Variants in PLEKHA8 observed in about 807,000 individuals in gnomAD.
PLEKHA8 encodes the protein pleckstrin homology domain-containing family A member 8.
PLEKHA8 carries 36 observed loss-of-function variants against 68.2 expected under a neutral mutation model. The ratio of observed to expected loss-of-function variants is 0.53; its 90% CI spans 0.40 to 0.70. PLEKHA8 has a LOEUF of 0.70. Ranked by LOEUF, PLEKHA8 falls within the 30% of genes least tolerant of loss-of-function variation. PLEKHA8 has a pLI of 0.00. For synonymous variants in PLEKHA8, 211 were observed against 216.1 expected (o/e 0.98, Z 0.20); for missense variants, 505 against 615.4 (o/e 0.82, Z 1.90).
At chr7:30,034,538 C>A (rs1445294459) in intron 1 of PLEKHA8, among the ~76,000 whole-genome samples, 1 of 152,036 alleles carries the variant, frequency 6.6e-6, no homozygotes, top group African/African-American at 2.4e-5. Flanking sequence ...ATACTGCATT[C>A]CTACAATAAA....
chr7:30,099,892 G>A (rs771133893), intron 13 of PLEKHA8, among the ~76,000 whole-genome samples: 9 of 152,142 alleles, frequency 5.9e-5, no homozygotes, highest in Admixed American at 2.0e-4. Flanking sequence ...CAACCAGGTC[G>A]CTTAAAACAA....
intron 12 of PLEKHA8, among the ~76,000 whole-genome samples, chr7:30,068,820 C>G (rs1484811881): frequency 1.3e-5 from 2 of 152,152 alleles, no homozygotes; most frequent in Non-Finnish European, 2.9e-5. Flanking sequence ...GAGATGTTCT[C>G]TGACATTTTC....
intron 13 of PLEKHA8, among the ~76,000 whole-genome samples, chr7:30,128,091 A>AT (rs35173428): frequency 0.042 from 5,135 of 122,670 alleles, 119 homozygotes; most frequent in African/African-American, 0.073. Flanking sequence ...GTTTTACTGT[A>AT]TTTTTTTTTT....
intron 13 of PLEKHA8, among the ~76,000 whole-genome samples, chr7:30,112,588 G>A (rs971491325): frequency 6.6e-6 from 1 of 152,022 alleles, no homozygotes; most frequent in African/African-American, 2.4e-5. Flanking sequence ...GGTGGCTCAT[G>A]CCTGTAGTCC....
intron 1 of PLEKHA8, among the ~76,000 whole-genome samples, chr7:30,031,433 T>G (rs1317866200): frequency 6.6e-6 from 1 of 152,160 alleles, no homozygotes; most frequent in Non-Finnish European, 1.5e-5. Context: ...GAAGAACTTT[T>G]CAGGCACAGG....
intron 1 of PLEKHA8, among the ~76,000 whole-genome samples, 158 bp downstream of exon 1, chr7:30,028,960 C>T (rs997538067): frequency 7.2e-5 from 11 of 152,214 alleles, no homozygotes; most frequent in Admixed American, 5.2e-4. Context: ...TCTCACGGGA[C>T]CGTGTCGCCG....
At chr7:30,126,518 T>C (rs1013166201) in intron 13 of PLEKHA8, among the ~76,000 whole-genome samples, 2 of 152,258 alleles carry the variant, frequency 1.3e-5, no homozygotes, top group African/African-American at 4.8e-5. Flanking sequence ...TGTTCTATAG[T>C]CTGGTTGTAT....
At position 30,083,921 on chromosome 7, in the gene PLEKHA8, A is replaced by C. The variant is rs1030865375; in HGVS notation, c.*5134A>C. The C allele has an allele frequency of 1.0e-6, 1 of 985,374 alleles. No homozygotes were observed. The highest frequency in any genetic ancestry group is 1.7e-5 in the African/African-American group (1 of 57,246). 61.0% of individuals were successfully genotyped at this position (985,374 alleles called of 1,614,324 possible). ...TGTATGCGTGTCTGTTTATAGGTGT[A>C]TATGGAGTCAGTGTTGATAGGAAGG... On this transcript the variant is annotated 3_prime_UTR_variant, in exon 14 of 14. Transcript: ENST00000449726.
At chr7:30,041,939 T>A (rs1791573668) in intron 1 of PLEKHA8, among the ~76,000 whole-genome samples, 2 of 152,168 alleles carry the variant, frequency 1.3e-5, no homozygotes, top group African/African-American at 4.8e-5. Flanking sequence ...ATGGTGTGTC[T>A]TAAAATTGAT....
At chr7:30,039,814 C>T (rs143965379) in intron 1 of PLEKHA8, among the ~76,000 whole-genome samples, 1,811 of 152,204 alleles carry the variant, frequency 0.012, 29 homozygotes, top group Non-Finnish European at 0.012. Context: ...TCTTTTATTT[C>T]ACTTATTGAC....
chr7:30,058,580 C>T (rs138186425), intron 9 of PLEKHA8, among the ~76,000 whole-genome samples: 3,046 of 150,138 alleles, frequency 0.02, 42 homozygotes, highest in Middle Eastern at 0.041. Context: ...ACCAATTGAA[C>T]TTATAATGCT....
chr7:30,062,101 A>G lies in PLEKHA8; in HGVS notation c.1229+74A>G, dbSNP rs1583844922. On this transcript the variant is annotated intron_variant, in intron 11 of 13. Transcript: ENST00000449726. ...TTACCAGCAAAAAAAATTGTTACAC[A>G]AAGGAGACTACTTCTGAGTGAAGGA... 7 of 1,507,832 alleles carry G rather than the reference A, an allele frequency of 4.6e-6. No homozygotes were observed. In the East Asian group the frequency reaches 1.4e-4, roughly 30 times the overall value. 93.4% of individuals were successfully genotyped at this position (1,507,832 alleles called of 1,614,324 possible).
At chr7:30,040,592 C>G (rs1306689739) in intron 1 of PLEKHA8, among the ~76,000 whole-genome samples, 1 of 152,214 alleles carries the variant, frequency 6.6e-6, no homozygotes, top group Non-Finnish European at 1.5e-5. Context: ...CACCCCCACC[C>G]AAACCTCATG....
chr7:30,046,254 G>C lies in PLEKHA8; in HGVS notation c.202G>C (p.Glu68Gln). Reference protein sequence around the residue: ...NTRMDLIIPGEQYFYLKARSV... With the variant: ...NTRMDLIIPGQQYFYLKARSV... The stretch of plus-strand genomic sequence containing the variant: ...ACGCATGGACCTGATAATCCCTGGG[G>C]AACAGTATTTCTACCTGAAGGCCAG... Residue 68 changes from glutamate to glutamine, a missense_variant, in exon 3 of 14, where the codon GAA (glutamate) becomes CAA (glutamine). By Grantham distance (29) the Glu-to-Gln change is conservative. Coordinates refer to ENST00000449726, the MANE Select transcript of PLEKHA8 (RefSeq NM_001197026.2). The C allele has an allele frequency of 1.9e-6, 3 of 1,613,714 alleles. No homozygotes were observed. Among genetic ancestry groups the C allele is most frequent in the Non-Finnish European group, 2.5e-6 (3 of 1,179,752 alleles).
At chr7:30,068,399 C>T (rs1166431117) in intron 12 of PLEKHA8, among the ~76,000 whole-genome samples, 1 of 152,164 alleles carries the variant, frequency 6.6e-6, no homozygotes, top group Non-Finnish European at 1.5e-5. Context: ...CATTGTCAGC[C>T]TTTTAAATTT....
chr7:30,064,502 C>CA (rs1239044137), intron 12 of PLEKHA8, among the ~76,000 whole-genome samples: 1 of 152,094 alleles, frequency 6.6e-6, no homozygotes, highest in Non-Finnish European at 1.5e-5. Context: ...GTGATCATGG[C>CA]ACTGTACTCC....
intron 1 of PLEKHA8, among the ~76,000 whole-genome samples, chr7:30,032,118 G>A (rs989175697): frequency 1.3e-5 from 2 of 152,168 alleles, no homozygotes; most frequent in African/African-American, 4.8e-5. Flanking sequence ...ACATGTTACA[G>A]ATTCCCACAT....
At chr7:30,070,044 G>A (rs972237252) in intron 12 of PLEKHA8, among the ~76,000 whole-genome samples, 7 of 152,050 alleles carry the variant, frequency 4.6e-5, no homozygotes, top group African/African-American at 1.4e-4. Flanking sequence ...AATAGGTCAG[G>A]CTTAGACTTC....
In PLEKHA8 at chr7:30,082,448, C is replaced by T. The variant is rs954387687; in HGVS notation, c.*3661C>T. 25 of 985,274 alleles carry T rather than the reference C, an allele frequency of 2.5e-5. No individual in the cohort carries two copies. In the South Asian group the frequency reaches 6.1e-4, roughly 24 times the overall value. 61.0% of individuals were successfully genotyped at this position (985,274 alleles called of 1,614,324 possible). A position where few individuals can be genotyped will look rare whatever the true frequency, so the allele number is the denominator to read the frequency against. ...GTGGGGATTCTGTTCCCCCACCCCC[C>T]AGACTGCAAGAGCTTCTTAAGAAGG... On this transcript the variant is annotated 3_prime_UTR_variant, in exon 14 of 14. Coordinates refer to ENST00000449726, the MANE Select transcript of PLEKHA8 (RefSeq NM_001197026.2).
Sources: gnomAD v4.1 joint callset for allele counts (sites outside exome capture counted in the v4.1 genomes callset) on GRCh38, gnomAD v4.1.1 for gene constraint, MANE v1.5 for transcripts, NCBI Gene and HGNC (gene_info 2026-07-23, HGNC 2026-07-21) for gene names.